PTGIR: variants seen among roughly 807,000 people sequenced by gnomAD.
The protein encoded by PTGIR is prostaglandin I2 receptor, also known as prostacyclin receptor.
In PTGIR, 16 loss-of-function variants were observed where a neutral mutation model predicts 17.6. The observed-to-expected ratio is 0.91, with a 90% CI of 0.61 to 1.38. The LOEUF (loss-of-function observed/expected upper bound fraction) is 1.38. PTGIR is among the 40% of genes most tolerant of loss of function. The probability of loss-of-function intolerance (pLI) is 0.00; values close to 1 mark genes in which losing one functional copy is unlikely to be tolerated. For synonymous variants in PTGIR, 274 were observed against 255.4 expected (o/e 1.07, Z -0.69); for missense variants, 532 against 548.6 (o/e 0.97, Z 0.30).
At position 46,621,910 on chromosome 19, in the gene PTGIR, C is replaced by A. The variant is rs1568678187; in HGVS notation, c.769-238G>T. The A allele has an allele frequency of 2.3e-6, 3 of 1,307,416 alleles. No homozygotes were observed. Among genetic ancestry groups the A allele is most frequent in the Non-Finnish European group, 2.9e-6 (3 of 1,029,916 alleles). The allele number at this position is 1,307,416 out of a possible 1,614,324, so 81.0% of individuals were successfully genotyped here. Reference sequence around the variant, plus strand: ...GGGGCCAGGTATGTGGGTCCCCCCACCCTTGGAAGCTGGGAGGACCCTCGG... The same window carrying A: ...GGGGCCAGGTATGTGGGTCCCCCCAACCTTGGAAGCTGGGAGGACCCTCGG... On this transcript the variant is annotated intron_variant, in intron 2 of 2. Coordinates refer to ENST00000291294, the MANE Select transcript of PTGIR (RefSeq NM_000960.4). The surrounding 1 kb of genome is among the most constrained non-coding windows in gnomAD (Gnocchi z 4.8).
At chr19:46,619,573 GAGAGAGAGAGAA>G (rs1364015373), downstream of PTGIR, among the ~76,000 whole-genome samples, 3 of 109,458 alleles carry the variant, frequency 2.7e-5, no homozygotes, top group Admixed American at 9.5e-5. Context: ...GAGAGAGAGA[GAGAGAGAGAGAA>G]AGAAAGAAAA....
the PTGIR span, among the ~76,000 whole-genome samples, chr19:46,612,345 AG>A: frequency 6.6e-6 from 1 of 152,098 alleles, no homozygotes; most frequent in Non-Finnish European, 1.5e-5. Context: ...TACAGGAAGG[AG>A]GGGGGTGTGC....
chr19:46,620,850 C>G lies in PTGIR; in HGVS notation c.*430G>C. 1.0e-6 allele frequency: 1 copy of G among 989,386 alleles called. No homozygotes were observed. Among genetic ancestry groups the G allele is most frequent in the Non-Finnish European group, 1.2e-6 (1 of 832,624 alleles). 61.3% of individuals were successfully genotyped at this position (989,386 alleles called of 1,614,324 possible). On this transcript the variant is annotated 3_prime_UTR_variant, in exon 3 of 3. Transcript: ENST00000291294. ...AGAAAGGGGCTGGCTCTTGGAGTGGCTTGGTAGAGGGGGAGGGCCATCCCC... is the reference window on the plus strand; with the variant it reads ...AGAAAGGGGCTGGCTCTTGGAGTGGGTTGGTAGAGGGGGAGGGCCATCCCC...
intron 1 of PTGIR, 30 bp from the exon 2 acceptor site, chr19:46,624,267 G>A: frequency 7.1e-7 from 1 of 1,415,256 alleles, no homozygotes; most frequent in South Asian, 1.5e-5. Flanking sequence ...GGGGGTCAGA[G>A]GGAGCCAGGG....
At chr19:46,613,249 G>A in the PTGIR span, among the ~76,000 whole-genome samples, 2 of 151,168 alleles carry the variant, frequency 1.3e-5, no homozygotes, top group African/African-American at 4.9e-5. Context: ...CACCATGTTA[G>A]CCAGGCTGGT....
At chr19:46,619,488 C>G (rs937293948), downstream of PTGIR, among the ~76,000 whole-genome samples, 1 of 130,206 alleles carries the variant, frequency 7.7e-6, no homozygotes, top group African/African-American at 2.9e-5. Context: ...GAGTGATATT[C>G]TGTCTCAAAA....
intron 1 of PTGIR, 88 bp from the exon 2 acceptor site, chr19:46,624,325 T>A: frequency 7.7e-7 from 1 of 1,304,438 alleles, no homozygotes; most frequent in Admixed American, 3.5e-5. Context: ...GGCCAGTCCT[T>A]TTGGCAGCTG....
chr19:46,615,760 C>G (rs962446732), downstream of PTGIR, among the ~76,000 whole-genome samples: 5 of 151,762 alleles, frequency 3.3e-5, no homozygotes, highest in African/African-American at 1.2e-4. Flanking sequence ...CCCGCCTCAG[C>G]CTCCCAAAGT....
chr19:46,623,474 C>T lies in PTGIR; in HGVS notation c.752G>A (p.Cys251Tyr). Residue 251 changes from cysteine (C) to tyrosine (Y), a missense_variant, in exon 2 of 3, where the codon TGC becomes TAC. By Grantham distance (194) the Cys-to-Tyr change is radical. Coordinates refer to ENST00000291294, the MANE Select transcript of PTGIR (RefSeq NM_000960.4). The stretch of plus-strand genomic sequence containing the variant: ...GGGACTCACCGTGAGAGGCAGGGAG[C>T]ACACGGCCATGACCACTGTCATGAG... ...LALMTVVMAV[C>Y]SLPLTIRCFT... is the part of the protein sequence containing the mutation. The T allele has an allele frequency of 1.3e-6, 2 of 1,567,722 alleles. No homozygotes were observed. Among genetic ancestry groups the T allele is most frequent in the Non-Finnish European group, 1.7e-6 (2 of 1,154,310 alleles).
the PTGIR span, among the ~76,000 whole-genome samples, chr19:46,611,650 T>C: frequency 1.3e-5 from 2 of 152,326 alleles, no homozygotes; most frequent in East Asian, 3.9e-4. Context: ...CACATTCCTG[T>C]AATCCTCCTA....
chr19:46,619,546 A>G (rs1297871732), downstream of PTGIR, among the ~76,000 whole-genome samples: 1 of 61,210 alleles, frequency 1.6e-5, no homozygotes, highest in Non-Finnish European at 3.4e-5. Flanking sequence ...AGAAAGAAAG[A>G]AAGAGAGAGA....
chr19:46,621,536 C>T lies in PTGIR; in HGVS notation c.905G>A (p.Arg302Gln), dbSNP rs267605549. 34 of 1,614,012 alleles carry T rather than the reference C, an allele frequency of 2.1e-5. 1 individual carries two copies. Among genetic ancestry groups the T allele is most frequent in the South Asian group, 5.5e-5 (5 of 91,084 alleles). ...FILFRKAVFQ[R>Q]LKLWVCCLCL... ...CAGGCAGCAGACCCAGAGCTTGAGT[C>T]GCTGGAAGACAGCCTTGCGGAAAAG... The change falls in exon 3 of 3, where the codon CGA (arginine) becomes CAA (glutamine). Residue 302 changes from arginine (R) to glutamine (Q), a missense_variant. Transcript: ENST00000291294. The surrounding 1 kb of genome is among the most constrained non-coding windows in gnomAD (Gnocchi z 4.8).
Position 46,623,544 on chromosome 19 carries a change from G to T in PTGIR, c.682C>A (p.Pro228Thr), listed in dbSNP as rs568497655. Reference protein sequence around the residue: ...KRHQGSLGPRPRTGEDEVDHL... With the variant: ...KRHQGSLGPRTRTGEDEVDHL... ...TCCACCTCGTCCTCTCCGGTGCGCG[G>T]CCGTGGACCCAGAGAGCCCTGGTGG... is the stretch of plus-strand genomic sequence containing the variant. The change falls in exon 2 of 3, where the codon CCG becomes ACG. Residue 228 changes from proline to threonine, a missense_variant. Pro to Thr is a conservative substitution (Grantham distance 38). Transcript: ENST00000291294. 1.3e-5 allele frequency: 20 copies of T among 1,558,370 alleles called. No individual in the cohort carries two copies. Among genetic ancestry groups the T allele is most frequent in the African/African-American group, 6.8e-5 (5 of 73,816 alleles).
At chr19:46,622,977 C>CTTTTTTTTTT (rs1372914255) in intron 2 of PTGIR, 2 of 125,336 alleles carry the variant, frequency 1.6e-5, no homozygotes, top group Non-Finnish European at 3.5e-5. Context: ...TCTTTTTTTT[C>CTTTTTTTTTT]TTATTTTTTT....
In PTGIR at chr19:46,623,354, T is replaced by TCTGACCTCTTTTGAGC. The variant is rs1478409382; in HGVS notation, c.768+103_768+104insGCTCAAAAGAGGTCAG. The TCTGACCTCTTTTGAGC allele has an allele frequency of 7.5e-6, 10 of 1,331,628 alleles. No individual in the cohort carries two copies. In the African/African-American group the frequency reaches 1.4e-4, roughly 18 times the overall value. 82.5% of individuals were successfully genotyped at this position (1,331,628 alleles called of 1,614,324 possible). A position where few individuals can be genotyped will look rare whatever the true frequency, so the allele number is the denominator to read the frequency against. On this transcript the variant is annotated intron_variant, in intron 2 of 2. Coordinates refer to ENST00000291294, the MANE Select transcript of PTGIR (RefSeq NM_000960.4). ...GGCGTGAGCCACCATGCCCACGATG[T>TCTGACCTCTTTTGAGC]CTCACCTCTTTTGAGCCTCAGTCTC...
chr19:46,621,702 A>G lies in PTGIR; in HGVS notation c.769-30T>C. On this transcript the variant is annotated intron_variant, in intron 2 of 2. Transcript: ENST00000291294. The surrounding 1 kb of genome is among the most constrained non-coding windows in gnomAD (Gnocchi z 4.8). ...GGGCAGGGTGAGGGCGTCAAGGAGC[A>G]CCCAGGAGTCCTCAGCCTCCCCACC... is the stretch of plus-strand genomic sequence containing the variant. The G allele has an allele frequency of 6.3e-7, 1 of 1,585,630 alleles. No homozygotes were observed. The highest frequency in any genetic ancestry group is 8.6e-7 in the Non-Finnish European group (1 of 1,163,502).
intron 2 of PTGIR, among the ~76,000 whole-genome samples, chr19:46,622,548 G>T (rs2052742893): frequency 6.6e-6 from 1 of 152,020 alleles, no homozygotes; most frequent in Admixed American, 6.6e-5. Flanking sequence ...GTCATTACAG[G>T]GGTGGGGAAG....
rs28590598 is a variant in PTGIR, at chr19:46,621,485, G to A, written c.956C>T (p.Ser319Leu). The A allele has an allele frequency of 1.1e-5, 18 of 1,614,066 alleles. No individual in the cohort carries two copies. The highest frequency in any genetic ancestry group is 4.0e-5 in the African/African-American group (3 of 74,938). ...GGCGAGCTGGGAAAGGGGTGTCTGC[G>A]AGTCTCCGTGGGCAGGCCCGAGGCA... ...CLCLGPAHGD[S>L]QTPLSQLASG... The change falls in exon 3 of 3, where the codon TCG becomes TTG. Residue 319 changes from serine (S) to leucine (L), a missense_variant. Transcript: ENST00000291294. The surrounding 1 kb of genome is among the most constrained non-coding windows in gnomAD (Gnocchi z 4.8).
chr19:46,620,306 T>C (rs1972039857), downstream of PTGIR, among the ~76,000 whole-genome samples: 1 of 152,144 alleles, frequency 6.6e-6, no homozygotes, highest in Non-Finnish European at 1.5e-5. Context: ...CTCGATATAT[T>C]GCCCGAGCTG....
Sources: allele counts gnomAD v4.1 joint callset (sites outside exome capture counted in the v4.1 genomes callset), GRCh38; gene constraint gnomAD v4.1.1; non-coding constraint Gnocchi (gnomAD v3.1); transcripts MANE v1.5; gene names NCBI Gene and HGNC (gene_info 2026-07-23, HGNC 2026-07-21).